Variants in CAMK1D observed in about 807,000 individuals in gnomAD.
CAMK1D encodes calcium/calmodulin-dependent protein kinase type 1D.
CAMK1D carries 9 observed loss-of-function variants against 47.7 expected under a neutral mutation model. That is an observed-to-expected ratio of 0.19 (90% CI 0.11 to 0.33). CAMK1D has a LOEUF of 0.33. Ranked by LOEUF, CAMK1D falls within the 10% of genes least tolerant of loss-of-function variation. The probability of loss-of-function intolerance (pLI) is 1.00; values close to 1 mark genes in which losing one functional copy is unlikely to be tolerated. For synonymous variants in CAMK1D, 184 were observed against 184.9 expected (o/e 0.99, Z 0.04); for missense variants, 291 against 488.7 (o/e 0.60, Z 3.81).
At chr10:12,648,552 C>A (rs1839873868) in intron 2 of CAMK1D, among the ~76,000 whole-genome samples, 3 of 152,162 alleles carry the variant, frequency 2.0e-5, no homozygotes, top group Non-Finnish European at 4.4e-5. Flanking sequence ...CTCACTGCAA[C>A]CTCCGCCCCC....
intron 1 of CAMK1D, among the ~76,000 whole-genome samples, chr10:12,371,640 G>A (rs1045482616): frequency 6.6e-6 from 1 of 151,482 alleles, no homozygotes; most frequent in African/African-American, 2.4e-5. Flanking sequence ...GCTCACGCCT[G>A]TAATCCCAGC....
intron 6 of CAMK1D, among the ~76,000 whole-genome samples, chr10:12,804,242 TACACACACACAAGCATAAATATTTC>T (rs1838614235): frequency 6.6e-6 from 1 of 152,170 alleles, no homozygotes; most frequent in Non-Finnish European, 1.5e-5. Context: ...CTTAAGTCAG[TACACACACACAAGCATAAATATTTC>T]ACACAAAGTA....
At chr10:12,673,558 T>A (rs920925360) in intron 3 of CAMK1D, among the ~76,000 whole-genome samples, 5 of 152,228 alleles carry the variant, frequency 3.3e-5, no homozygotes, top group African/African-American at 1.2e-4. Context: ...TCTATCTCAA[T>A]AATCATGTCG....
At chr10:12,745,144 C>T (rs1835607023) in intron 3 of CAMK1D, among the ~76,000 whole-genome samples, 1 of 152,238 alleles carries the variant, frequency 6.6e-6, no homozygotes, top group Non-Finnish European at 1.5e-5. Flanking sequence ...CGTTCTCCTG[C>T]CTCAGCCTCC....
intron 1 of CAMK1D, among the ~76,000 whole-genome samples, chr10:12,419,334 G>A (rs1839967109): frequency 6.6e-6 from 1 of 152,094 alleles, no homozygotes; most frequent in South Asian, 2.1e-4. Flanking sequence ...GGAACTCAAA[G>A]TTCCCAGAAT....
At chr10:12,751,713 A>T (rs1167905584) in intron 3 of CAMK1D, among the ~76,000 whole-genome samples, 2 of 152,178 alleles carry the variant, frequency 1.3e-5, no homozygotes, top group African/African-American at 4.8e-5. Flanking sequence ...TCAAGCTAGG[A>T]CCTAAGCGAT....
chr10:12,690,732 T>C (rs1832843744), intron 3 of CAMK1D, among the ~76,000 whole-genome samples: 1 of 152,138 alleles, frequency 6.6e-6, no homozygotes, highest in South Asian at 2.1e-4. Context: ...CTCTGAGTTG[T>C]TGCAGGACTG....
intron 3 of CAMK1D, among the ~76,000 whole-genome samples, chr10:12,700,482 CAT>C (rs1833473215): frequency 1.3e-5 from 2 of 152,096 alleles, no homozygotes; most frequent in Admixed American, 1.3e-4. Context: ...CCTCCCACCA[CAT>C]GTGGGAATTA....
At chr10:12,702,867 G>A (rs981926283) in intron 3 of CAMK1D, among the ~76,000 whole-genome samples, 1 of 152,194 alleles carries the variant, frequency 6.6e-6, no homozygotes, top group Non-Finnish European at 1.5e-5. Flanking sequence ...GGGGCAGCCC[G>A]AAGGTCATCA....
intron 2 of CAMK1D, among the ~76,000 whole-genome samples, chr10:12,646,797 G>C (rs1011567871): frequency 6.6e-6 from 1 of 151,948 alleles, no homozygotes; most frequent in African/African-American, 2.4e-5. Flanking sequence ...ACTCTTTATC[G>C]TTCAGTTGTT....
rs549924677 is a variant in CAMK1D at position 12,829,208 on chromosome 10, C to T, written c.*321C>T. ...TTCCACTCTTCTCAGTGTAGGTAAC[C>T]GTCTATGGTGTGTTTTTTCATTAAT... On this transcript the variant is annotated 3_prime_UTR_variant, in exon 11 of 11. Transcript: ENST00000619168. 7.3e-5 allele frequency: 16 copies of T among 219,260 alleles called. No individual in the cohort carries two copies. The highest frequency in any genetic ancestry group is 1.6e-4 in the South Asian group (1 of 6,160). 13.6% of individuals were successfully genotyped at this position (219,260 alleles called of 1,614,324 possible).
intron 1 of CAMK1D, among the ~76,000 whole-genome samples, chr10:12,412,023 C>CT (rs1366567017): frequency 6.6e-6 from 1 of 152,212 alleles, no homozygotes; most frequent in Non-Finnish European, 1.5e-5. Flanking sequence ...AGGTTTGAGT[C>CT]TATCAGCGTG....
intron 2 of CAMK1D, among the ~76,000 whole-genome samples, chr10:12,638,086 G>A (rs1388219169): frequency 6.6e-6 from 1 of 152,144 alleles, no homozygotes; most frequent in Non-Finnish European, 1.5e-5. Context: ...CAGAGAAGGG[G>A]AGGCCATCTT....
intron 1 of CAMK1D, among the ~76,000 whole-genome samples, chr10:12,411,554 G>A (rs890171381): frequency 6.6e-6 from 1 of 151,650 alleles, no homozygotes; most frequent in Non-Finnish European, 1.5e-5. Flanking sequence ...CAGTAGAAAT[G>A]TACTGTAAAT....
chr10:12,457,656 C>G (rs1833294564), intron 1 of CAMK1D, among the ~76,000 whole-genome samples: 1 of 151,616 alleles, frequency 6.6e-6, no homozygotes, highest in African/African-American at 2.4e-5. Flanking sequence ...TGGCGCGAGC[C>G]TGTAGTTCCA....
intron 1 of CAMK1D, among the ~76,000 whole-genome samples, chr10:12,423,887 C>A (rs1397039483): frequency 1.3e-5 from 2 of 152,168 alleles, no homozygotes; most frequent in East Asian, 1.9e-4. Flanking sequence ...TGTGCTTGAG[C>A]CTCAGTGATT....
At chr10:12,546,091 A>C (rs76897865) in intron 1 of CAMK1D, among the ~76,000 whole-genome samples, 1 of 152,152 alleles carries the variant, frequency 6.6e-6, no homozygotes, top group East Asian at 1.9e-4. Context: ...AGGGATTTGA[A>C]CTCGATCCCA....
intron 1 of CAMK1D, among the ~76,000 whole-genome samples, chr10:12,487,315 A>G (rs527753129): frequency 6.6e-6 from 1 of 152,242 alleles, no homozygotes; most frequent in South Asian, 2.1e-4. Flanking sequence ...TATATGGAAA[A>G]TTTTGATTTA....
At chr10:12,741,726 T>C (rs751382064) in intron 3 of CAMK1D, among the ~76,000 whole-genome samples, 13 of 152,038 alleles carry the variant, frequency 8.6e-5, no homozygotes, top group Non-Finnish European at 1.6e-4. Flanking sequence ...AGGATACGCA[T>C]CTGCCGGGAA....
Sources: gnomAD v4.1 joint callset for allele counts (sites outside exome capture counted in the v4.1 genomes callset) on GRCh38, gnomAD v4.1.1 for gene constraint, MANE v1.5 for transcripts, NCBI Gene and HGNC (gene_info 2026-07-23, HGNC 2026-07-21) for gene names.